The following CCDC106 variants were observed in gnomAD, a reference collection of about 807,000 sequenced individuals.
The protein encoded by CCDC106 is coiled-coil domain containing 106, also known as coiled-coil domain-containing protein 106.
In CCDC106, 17 loss-of-function variants were observed where a neutral mutation model predicts 24.7. The ratio of observed to expected loss-of-function variants is 0.69; its 90% CI spans 0.47 to 1.03. CCDC106 has a LOEUF of 1.03. Among genes scored for constraint, CCDC106 ranks in the 50% least tolerant of loss-of-function variants. CCDC106 has a pLI of 0.00. For missense variants in CCDC106, 337 were observed against 388.9 expected, an observed-to-expected ratio of 0.87 and a Z score of 1.12; for synonymous variants, 211 against 161.3, an observed-to-expected ratio of 1.31 and a Z score of -2.34.
chr19:55,650,405 C>G (rs1983162076), intron 3 of CCDC106, among the ~76,000 whole-genome samples: 1 of 152,188 alleles, frequency 6.6e-6, no homozygotes, highest in South Asian at 2.1e-4. Flanking sequence ...GATGGTCAGG[C>G]CGTTTGCCCG....
At chr19:55,650,379 C>T (rs1457636930) in intron 3 of CCDC106, among the ~76,000 whole-genome samples, 1 of 152,202 alleles carries the variant, frequency 6.6e-6, no homozygotes, top group African/African-American at 2.4e-5. Flanking sequence ...GGACCCCAGC[C>T]CCATCCTCTT....
chr19:55,649,119 C>G, intron 1 of CCDC106, 42 bp downstream of exon 1: 5 of 1,612,778 alleles, frequency 3.1e-6, no homozygotes, highest in Non-Finnish European at 4.2e-6. Context: ...GGTCCCAGTG[C>G]GGTCGGCTCC....
Position 55,648,902 on chromosome 19 carries a change from G to A in CCDC106, c.-145G>A. 1 of 817,212 alleles carries A rather than the reference G, an allele frequency of 1.2e-6. No individual in the cohort carries two copies. Among genetic ancestry groups the A allele is most frequent in the South Asian group, 1.5e-5 (1 of 67,930 alleles). The allele number at this position is 817,212 out of a possible 1,614,324, so 50.6% of individuals were successfully genotyped here. On this transcript the variant is annotated 5_prime_UTR_variant, in exon 1 of 5. Coordinates refer to ENST00000586790, the MANE Select transcript of CCDC106 (RefSeq NM_001370470.1). Reference sequence around the variant, plus strand: ...GGCTCCCTCCTCCCTCAGACCAGGGGTCCAGGCCAGAAGGTCCCTCCTGTC... The same window carrying A: ...GGCTCCCTCCTCCCTCAGACCAGGGATCCAGGCCAGAAGGTCCCTCCTGTC...
chr19:55,650,758 C>T (rs1218986720), intron 3 of CCDC106, among the ~76,000 whole-genome samples: 1 of 152,194 alleles, frequency 6.6e-6, no homozygotes, highest in Non-Finnish European at 1.5e-5. Context: ...CAGTGGGGAC[C>T]CTGGCACCAG....
In CCDC106 at chr19:55,652,722, C is replaced by A. The variant is rs2123656379; in HGVS notation, c.819C>A (p.Pro273=). The A allele has an allele frequency of 1.2e-6, 2 of 1,612,324 alleles. No individual in the cohort carries two copies. The highest frequency in any genetic ancestry group is 4.5e-5 in the East Asian group (2 of 44,862). The change falls in exon 5 of 5, where the codon CCC becomes CCA. Residue 273 remains proline, a synonymous_variant. Transcript: ENST00000586790. The surrounding 1 kb of genome is among the most constrained non-coding windows in gnomAD (Gnocchi z 5.9). ...QALKKSKLLL[P]ITYRFKR is the part of the protein sequence containing the mutation. ...TCAAGAAGAGCAAGCTGCTGCTGCC[C>A]ATCACCTACCGCTTCAAGCGGTGAT...
At chr19:55,649,985 G>A (rs1301597735) in intron 3 of CCDC106, among the ~76,000 whole-genome samples, 3 of 152,060 alleles carry the variant, frequency 2.0e-5, no homozygotes, top group Middle Eastern at 3.2e-3. Flanking sequence ...TCCTCAGGGG[G>A]CCCCTGCTCC....
chr19:55,647,511 C>G (rs1451427643), upstream of CCDC106, among the ~76,000 whole-genome samples: 1 of 152,342 alleles, frequency 6.6e-6, no homozygotes, highest in South Asian at 2.1e-4. Flanking sequence ...GGCTGAGCTT[C>G]TGTGTGTCGC....
Position 55,652,974 on chromosome 19 carries a change from T to G in CCDC106, c.*228T>G. ...CCCAGCCCTGTCCTCGCCGGGCCCC[T>G]TCCTCCTGGAAAACCAGGCAGGCGG... On this transcript the variant is annotated 3_prime_UTR_variant, in exon 5 of 5. Coordinates refer to ENST00000586790, the MANE Select transcript of CCDC106 (RefSeq NM_001370470.1). The surrounding 1 kb of genome is among the most constrained non-coding windows in gnomAD (Gnocchi z 5.9). The G allele has an allele frequency of 1.2e-5, 6 of 511,060 alleles. No homozygotes were observed. The highest frequency in any genetic ancestry group is 6.9e-5 in the East Asian group (2 of 28,838). The allele number at this position is 511,060 out of a possible 1,614,324, so 31.7% of individuals were successfully genotyped here.
At position 55,649,489 on chromosome 19, in the gene CCDC106, C is replaced by T. The variant is rs769164721; in HGVS notation, c.218C>T (p.Ser73Phe). The change falls in exon 3 of 5, where the codon TCC (serine) becomes TTC (phenylalanine). Residue 73 changes from serine to phenylalanine, a missense_variant. Coordinates refer to ENST00000586790, the MANE Select transcript of CCDC106 (RefSeq NM_001370470.1). ...CTGCACATGGCTCTGGAGAGGAACT[C>T]CTGGCTGCAGAAGCGCATCGAGGAC... is the stretch of plus-strand genomic sequence containing the variant. Reference protein sequence around the residue: ...TQLHMALERNSWLQKRIEDLE... With the variant: ...TQLHMALERNFWLQKRIEDLE... 2.5e-6 allele frequency: 4 copies of T among 1,614,124 alleles called. No homozygotes were observed. Among genetic ancestry groups the T allele is most frequent in the East Asian group, 2.2e-5 (1 of 44,876 alleles).
At chr19:55,651,709 AGTG>A (rs569064892) in intron 4 of CCDC106, among the ~76,000 whole-genome samples, 50 of 148,618 alleles carry the variant, frequency 3.4e-4, no homozygotes, top group South Asian at 2.6e-3. Context: ...CCCAGGCTGG[AGTG>A]GTGCAGTGGC....
rs373743215 is a variant in CCDC106 at position 55,651,444 on chromosome 19, G to A, written c.475G>A (p.Gly159Ser). Residue 159 changes from glycine (G) to serine (S), a missense_variant, in exon 4 of 5, where the codon GGT becomes AGT. Gly to Ser is a moderately conservative substitution (Grantham distance 56, BLOSUM62 0). Around this residue, in one of 2 missense-constraint regions of CCDC106, gnomAD observed 234 missense variants for 236.5 expected, o/e 0.99. Coordinates refer to ENST00000586790, the MANE Select transcript of CCDC106 (RefSeq NM_001370470.1). ...GAGGAGGCGGCAGAAGCAGAAGGGA[G>A]GTGCTAGTCGGAGGCGCTTTGGGAA... is the stretch of plus-strand genomic sequence containing the variant. ...SERRRQKQKG[G>S]ASRRRFGKPK... 4 of 1,602,778 alleles carry A rather than the reference G, an allele frequency of 2.5e-6. No individual in the cohort carries two copies. Among genetic ancestry groups the A allele is most frequent in the Non-Finnish European group, 3.4e-6 (4 of 1,175,680 alleles).
rs1983029570 is a variant in CCDC106, at chr19:55,648,708, G to A, written c.-339G>A. 4.7e-6 allele frequency: 2 copies of A among 429,832 alleles called. No homozygotes were observed. The highest frequency in any genetic ancestry group is 8.4e-6 in the Non-Finnish European group (2 of 238,034). 26.6% of individuals were successfully genotyped at this position (429,832 alleles called of 1,614,324 possible). Reference sequence around the variant, plus strand: ...GGTGTCCCTGGTCAGGCGACCCCTTGGGGCACCCAGCAATTTAGGGCTTCA... The same window carrying A: ...GGTGTCCCTGGTCAGGCGACCCCTTAGGGCACCCAGCAATTTAGGGCTTCA... On this transcript the variant is annotated 5_prime_UTR_variant, in exon 1 of 5. The change creates a premature stop within an existing upstream ORF in the 5' untranslated region. Transcript: ENST00000586790.
chr19:55,652,877 C>T lies in CCDC106; in HGVS notation c.*131C>T, dbSNP rs1319960513. ...TGGGTTGGGGGCTCCCTTAGCCGGG[C>T]CCCCAAGCGCGACGGCCCCGGACCG... is the stretch of plus-strand genomic sequence containing the variant. On this transcript the variant is annotated 3_prime_UTR_variant, in exon 5 of 5. Transcript: ENST00000586790. The surrounding 1 kb of genome is among the most constrained non-coding windows in gnomAD (Gnocchi z 5.9). 9.8e-6 allele frequency: 8 copies of T among 814,222 alleles called. No homozygotes were observed. In the East Asian group the frequency reaches 1.1e-4, roughly 11 times the overall value. The allele number at this position is 814,222 out of a possible 1,614,324, so 50.4% of individuals were successfully genotyped here. A position where few individuals can be genotyped will look rare whatever the true frequency, so the allele number is the denominator to read the frequency against.
rs1052936773 is a variant in CCDC106 at position 55,648,667 on chromosome 19, C to T, written c.-380C>T. 23 of 318,386 alleles carry T rather than the reference C, an allele frequency of 7.2e-5. No homozygotes were observed. The highest frequency in any genetic ancestry group is 1.3e-4 in the Non-Finnish European group (23 of 170,826). 19.7% of individuals were successfully genotyped at this position (318,386 alleles called of 1,614,324 possible). On this transcript the variant is annotated 5_prime_UTR_variant, in exon 1 of 5. Transcript: ENST00000586790. ...CAGTGGCCCGCGATGAGAGAGGGTCCTTCCCCTTCAGGCTAGGTGTCCCTG... is the reference window on the plus strand; with the variant it reads ...CAGTGGCCCGCGATGAGAGAGGGTCTTTCCCCTTCAGGCTAGGTGTCCCTG...
In CCDC106 at chr19:55,652,907, C is replaced by T; in HGVS notation, c.*161C>T. The T allele has an allele frequency of 3.1e-6, 2 of 635,790 alleles. No homozygotes were observed. The highest frequency in any genetic ancestry group is 4.0e-5 in the South Asian group (2 of 50,394). 39.4% of individuals were successfully genotyped at this position (635,790 alleles called of 1,614,324 possible). On this transcript the variant is annotated 3_prime_UTR_variant, in exon 5 of 5. Transcript: ENST00000586790. This position sits in a 1 kb window ranked among gnomAD's most constrained non-coding sequence, Gnocchi z 5.9. ...AAGCGCGACGGCCCCGGACCGGCCG[C>T]GGCCCCTTCCCGAACGCCGGCACCC...
intron 3 of CCDC106, 69 bp from the exon 4 acceptor site, chr19:55,651,214 C>T: frequency 2.5e-6 from 3 of 1,222,892 alleles, no homozygotes; most frequent in Admixed American, 1.7e-5. Flanking sequence ...ACTGCAGCCT[C>T]TCTCAGTCCC....
chr19:55,651,703 G>T (rs1600059004), intron 4 of CCDC106, among the ~76,000 whole-genome samples: 1 of 151,674 alleles, frequency 6.6e-6, no homozygotes, highest in Non-Finnish European at 1.5e-5. Flanking sequence ...CCGTCGCCCA[G>T]GCTGGAGTGG....
At position 55,651,296 on chromosome 19, in the gene CCDC106, G is replaced by A. The variant is rs1568542498; in HGVS notation, c.327G>A (p.Arg109=). ...CCATCTCCCCAGAGGACCACTGCCG[G>A]ATGAAGCCTGGGCCCAGGCGGATGG... The part of the protein sequence containing the change: ...SARMEAEDHC[R]MKPGPRRMEG... Residue 109 remains arginine, a synonymous_variant, in exon 4 of 5, where the codon CGG becomes CGA. Transcript: ENST00000586790. The A allele has an allele frequency of 2.5e-6, 4 of 1,613,262 alleles. No homozygotes were observed. Among genetic ancestry groups the A allele is most frequent in the East Asian group, 2.2e-5 (1 of 44,864 alleles).
rs1983366653 is a variant in CCDC106, at chr19:55,652,362, TTCCCGTGTCCGCCCCCTCAG to T, written c.527-65_527-46del. The T allele has an allele frequency of 1.3e-5, 18 of 1,390,756 alleles. 1 individual carries two copies. The South Asian group carries it at 2.4e-4, about 18-fold the overall frequency. The allele number at this position is 1,390,756 out of a possible 1,614,324, so 86.2% of individuals were successfully genotyped here. On this transcript the variant is annotated intron_variant, in intron 4 of 4. Transcript: ENST00000586790. This position sits in a 1 kb window ranked among gnomAD's most constrained non-coding sequence, Gnocchi z 5.9. ...TCCTTTCTTCCCATGGCCGTTTCCCTTCCCGTGTCCGCCCCCTCAGTCTTGTGCCCTGCCCCTCACTTTCG... is the reference window on the plus strand; with the variant it reads ...TCCTTTCTTCCCATGGCCGTTTCCCTTCTTGTGCCCTGCCCCTCACTTTCG...
Sources: gnomAD v4.1 joint callset for allele counts (sites outside exome capture counted in the v4.1 genomes callset) on GRCh38, gnomAD v4.1.1 for gene constraint, gnomAD v4.1.1 regional missense constraint, Gnocchi (gnomAD v3.1) non-coding constraint, MANE v1.5 for transcripts, NCBI Gene and HGNC (gene_info 2026-07-23, HGNC 2026-07-21) for gene names.